Variants in ANKFN1 observed in about 807,000 individuals in gnomAD.
ANKFN1 encodes ankyrin repeat and fibronectin type III domain containing 1.
A neutral mutation model predicts 108.7 loss-of-function variants in ANKFN1; 74 were observed. The ratio of observed to expected loss-of-function variants is 0.68; its 90% CI spans 0.56 to 0.83. The LOEUF (loss-of-function observed/expected upper bound fraction) is 0.83, where lower values mean the gene tolerates loss of function less well. ANKFN1 is among the 40% of genes least tolerant of loss of function. The pLI is 0.00. For missense variants in ANKFN1, 1,505 were observed against 1,382.3 expected (o/e 1.09, Z -1.41); for synonymous variants, 547 against 516.2 (o/e 1.06, Z -0.81).
intron 3 of ANKFN1, among the ~76,000 whole-genome samples, chr17:56,308,410 A>T (rs574160224): frequency 1.6e-4 from 24 of 152,112 alleles, no homozygotes; most frequent in African/African-American, 5.5e-4. Flanking sequence ...GTATCTTGTG[A>T]CCTTGCTGAA....
intron 6 of ANKFN1, among the ~76,000 whole-genome samples, chr17:56,366,208 A>G (rs996287941): frequency 1.3e-5 from 2 of 152,184 alleles, no homozygotes; most frequent in African/African-American, 4.8e-5. Flanking sequence ...GGATATAAAG[A>G]AAATATTTTT....
At chr17:56,505,104 T>G (rs902210171) in intron 20 of ANKFN1, among the ~76,000 whole-genome samples, 1 of 152,184 alleles carries the variant, frequency 6.6e-6, no homozygotes, top group African/African-American at 2.4e-5. Context: ...AGTCCAGGTT[T>G]CTCTAATTTT....
chr17:56,174,342 A>G, intron 1 of ANKFN1: 1 of 985,606 alleles, frequency 1.0e-6, no homozygotes, highest in Non-Finnish European at 1.2e-6. Flanking sequence ...AATCCCTACC[A>G]AGTGTGCAAA....
Position 56,295,018 on chromosome 17 carries a change from C to T in ANKFN1, c.54-31203C>T, listed in dbSNP as rs768571620. On this transcript the variant is annotated intron_variant, in intron 3 of 20. Transcript: ENST00000682825. Reference sequence around the variant, plus strand: ...TTGTTTGTGACCATCTCTGAAATTACGTCAGGTAACAAAGAAGCCAATATC... The same window carrying T: ...TTGTTTGTGACCATCTCTGAAATTATGTCAGGTAACAAAGAAGCCAATATC... 5.9e-5 allele frequency among the ~76,000 whole-genome samples: 9 copies of T among 152,178 alleles called. No individual in the cohort carries two copies. In the South Asian group the frequency reaches 6.2e-4, roughly 11 times the overall value.
chr17:56,467,806 G>GAGAA (rs2050163647), intron 15 of ANKFN1, among the ~76,000 whole-genome samples: 1 of 35,534 alleles, frequency 2.8e-5, no homozygotes, highest in African/African-American at 1.3e-4. Context: ...AAGAAAGAAA[G>GAGAA]AAAGAAAGAA....
At chr17:56,080,573 T>C (rs1266365782) in intron 4 of ANKFN1, among the ~76,000 whole-genome samples, 2 of 152,210 alleles carry the variant, frequency 1.3e-5, no homozygotes, top group Non-Finnish European at 2.9e-5. Flanking sequence ...CAGAATGTTA[T>C]ACTAATTCAC....
At chr17:56,087,585 A>T (rs1422700116) in intron 4 of ANKFN1, among the ~76,000 whole-genome samples, 2 of 151,202 alleles carry the variant, frequency 1.3e-5, no homozygotes, top group Non-Finnish European at 3.0e-5. Flanking sequence ...AAAATTTTTC[A>T]AAAGTTCCCA....
intron 11 of ANKFN1, among the ~76,000 whole-genome samples, chr17:56,453,135 G>A (rs2049550988): frequency 6.6e-6 from 1 of 151,804 alleles, no homozygotes; most frequent in South Asian, 2.1e-4. Context: ...TAAGTAACGT[G>A]CTCATATTTC....
At chr17:56,473,518 G>A (rs1305665641) in intron 15 of ANKFN1, 4 of 151,530 alleles carry the variant, frequency 2.6e-5, no homozygotes, top group Non-Finnish European at 4.4e-5. Flanking sequence ...CCAAAATTGG[G>A]TGGGCATGGT....
intron 4 of ANKFN1, among the ~76,000 whole-genome samples, chr17:56,114,265 C>T (rs995392346): frequency 6.6e-6 from 1 of 152,072 alleles, no homozygotes; most frequent in Non-Finnish European, 1.5e-5. Context: ...AGTTAAGAAC[C>T]CTTGCACATC....
chr17:56,308,573 T>C (rs1567902509), intron 3 of ANKFN1, among the ~76,000 whole-genome samples: 1 of 152,146 alleles, frequency 6.6e-6, no homozygotes, highest in Non-Finnish European at 1.5e-5. Context: ...TGCATTTTCT[T>C]GCTTACTATT....
At chr17:56,354,514 A>G (rs2046326051) in intron 6 of ANKFN1, among the ~76,000 whole-genome samples, 1 of 152,224 alleles carries the variant, frequency 6.6e-6, no homozygotes, top group Non-Finnish European at 1.5e-5. Flanking sequence ...CCCTATTCTC[A>G]TAGAAATTAC....
intron 3 of ANKFN1, among the ~76,000 whole-genome samples, chr17:56,272,953 G>C (rs189880822): frequency 5.6e-4 from 86 of 152,258 alleles, no homozygotes; most frequent in South Asian, 1.2e-3. Flanking sequence ...AAAACTGATA[G>C]TTGATGCCTG....
intron 3 of ANKFN1, among the ~76,000 whole-genome samples, chr17:56,271,739 G>T (rs957778934): frequency 2.0e-5 from 3 of 152,134 alleles, no homozygotes; most frequent in African/African-American, 7.2e-5. Context: ...AAGACAAGTT[G>T]GGACATGGAC....
intron 4 of ANKFN1, among the ~76,000 whole-genome samples, chr17:56,347,390 AAG>A (rs1192569070): frequency 3.3e-5 from 5 of 152,168 alleles, no homozygotes; most frequent in African/African-American, 1.2e-4. Context: ...TCTAGAAAAA[AAG>A]AGTTTTGATA....
At chr17:56,402,196 T>C (rs1011479323) in intron 8 of ANKFN1, among the ~76,000 whole-genome samples, 1 of 152,194 alleles carries the variant, frequency 6.6e-6, no homozygotes, top group Non-Finnish European at 1.5e-5. Flanking sequence ...ATTAGAGTGA[T>C]GCTGGCTTCA....
intron 3 of ANKFN1, among the ~76,000 whole-genome samples, chr17:56,314,933 C>T (rs2045155846): frequency 6.6e-6 from 1 of 152,146 alleles, no homozygotes; most frequent in Non-Finnish European, 1.5e-5. Context: ...CACTCTAATT[C>T]TGGAGTTCTT....
chr17:56,130,998 T>C (rs929129206), intron 4 of ANKFN1, among the ~76,000 whole-genome samples: 2 of 152,042 alleles, frequency 1.3e-5, no homozygotes, highest in African/African-American at 2.4e-5. Flanking sequence ...CAAAAAGGCA[T>C]ATGTCTTAAA....
chr17:56,202,549 A>T (rs1914154747), intron 1 of ANKFN1, among the ~76,000 whole-genome samples: 1 of 152,188 alleles, frequency 6.6e-6, no homozygotes, highest in Non-Finnish European at 1.5e-5. Context: ...AAAGAAGCCC[A>T]TACATCACCC....
Sources: gnomAD v4.1 joint callset for allele counts (sites outside exome capture counted in the v4.1 genomes callset) on GRCh38, gnomAD v4.1.1 for gene constraint, MANE v1.5 for transcripts, NCBI Gene and HGNC (gene_info 2026-07-23, HGNC 2026-07-21) for gene names.